PRKAR1A: variants seen among roughly 807,000 people sequenced by gnomAD.
The protein encoded by PRKAR1A is protein kinase cAMP-dependent type I regulatory subunit alpha.
Under a neutral mutation model 52.0 loss-of-function variants are expected in PRKAR1A, and 3 were observed. The observed-to-expected ratio is 0.06, with a 90% confidence interval of 0.03 to 0.15. PRKAR1A has a LOEUF of 0.15. Ranked by LOEUF, PRKAR1A falls within the 10% of genes least tolerant of loss-of-function variation. The pLI, the probability that PRKAR1A is intolerant of heterozygous loss-of-function variation, is 1.00. For synonymous variants in PRKAR1A, 188 were observed against 168.4 expected (o/e 1.12, Z -0.90); for missense variants, 240 against 477.4 (o/e 0.50, Z 4.63).
intron 2 of PRKAR1A, among the ~76,000 whole-genome samples, chr17:68,516,106 T>C (rs2085424984): frequency 6.6e-6 from 1 of 152,198 alleles, no homozygotes; most frequent in African/African-American, 2.4e-5. Flanking sequence ...GATATTGATA[T>C]TGATGTTCCT....
At chr17:68,433,760 G>GTTTTTTTTTTTTTTTTT in the PRKAR1A span, among the ~76,000 whole-genome samples, 3 of 72,814 alleles carry the variant, frequency 4.1e-5, 1 homozygote, top group African/African-American at 2.0e-4. Flanking sequence ...AAGGGTCATA[G>GTTTTTTTTTTTTTTTTT]TTTTTTTTTT....
chr17:68,427,253 G>A, the PRKAR1A span: 2 of 1,611,434 alleles, frequency 1.2e-6, no homozygotes, highest in African/African-American at 1.3e-5. Flanking sequence ...AGCCAAGCAA[G>A]CTACTTGTGA....
intron 11 of PRKAR1A, chr17:68,539,444 A>C: frequency 6.5e-7 from 1 of 1,549,254 alleles, no homozygotes; most frequent in Non-Finnish European, 8.9e-7. Context: ...CATCCTTTGC[A>C]TTCCCCTGAG....
intron 5 of PRKAR1A, 32 bp downstream of exon 5, chr17:68,524,109 C>G (rs373030787): frequency 1.2e-6 from 2 of 1,608,902 alleles, no homozygotes; most frequent in South Asian, 1.1e-5. Context: ...AATATTGTTA[C>G]GGGAGAGGAG....
chr17:68,461,115 T>G, the PRKAR1A span, among the ~76,000 whole-genome samples: 1 of 146,572 alleles, frequency 6.8e-6, no homozygotes, highest in African/African-American at 2.6e-5. The surrounding 1 kb of genome is among the most constrained non-coding windows in gnomAD (Gnocchi z 4.6). Flanking sequence ...GGACAATGCT[T>G]TGTTCCAGTG....
At chr17:68,474,966 A>G in the PRKAR1A span, among the ~76,000 whole-genome samples, 2 of 152,206 alleles carry the variant, frequency 1.3e-5, no homozygotes, top group African/African-American at 4.8e-5. Context: ...AAAAAATGTA[A>G]TGTCTTTTTA....
At chr17:68,437,439 C>G in the PRKAR1A span, among the ~76,000 whole-genome samples, 1 of 151,910 alleles carries the variant, frequency 6.6e-6, no homozygotes, top group African/African-American at 2.4e-5. Flanking sequence ...CCTGTAGTCC[C>G]AGCTACTCGG....
chr17:68,482,748 T>C, the PRKAR1A span, among the ~76,000 whole-genome samples: 165 of 152,342 alleles, frequency 1.1e-3, 1 homozygote, highest in African/African-American at 3.8e-3. Context: ...CTGTTTTTAC[T>C]AAGGTCAATC....
At chr17:68,456,270 C>T in the PRKAR1A span, among the ~76,000 whole-genome samples, 10 of 152,198 alleles carry the variant, frequency 6.6e-5, no homozygotes, top group Admixed American at 5.9e-4. Context: ...TGTTTTTAAA[C>T]AGAAACATAA....
the PRKAR1A span, among the ~76,000 whole-genome samples, chr17:68,506,569 C>T: frequency 2.0e-5 from 3 of 151,990 alleles, no homozygotes; most frequent in African/African-American, 7.3e-5. Flanking sequence ...CTGCAACCTC[C>T]GCCTCCCTGG....
chr17:68,472,977 T>A, the PRKAR1A span, among the ~76,000 whole-genome samples: 2 of 151,976 alleles, frequency 1.3e-5, no homozygotes, highest in Non-Finnish European at 2.9e-5. Flanking sequence ...AAATTGTTAA[T>A]GTGGTATTTG....
At chr17:68,425,157 G>C in the PRKAR1A span, among the ~76,000 whole-genome samples, 1 of 152,186 alleles carries the variant, frequency 6.6e-6, no homozygotes, top group South Asian at 2.1e-4. Flanking sequence ...AAAGGTGCTC[G>C]GGCAAGCTCC....
the PRKAR1A span, among the ~76,000 whole-genome samples, chr17:68,481,199 C>T: frequency 4.6e-5 from 7 of 152,156 alleles, no homozygotes; most frequent in South Asian, 2.1e-4. Context: ...GCATTAAAAC[C>T]GCAGTCCCCA....
intron 11 of PRKAR1A, among the ~76,000 whole-genome samples, chr17:68,542,444 C>T (rs530939835): frequency 2.0e-5 from 3 of 152,246 alleles, no homozygotes; most frequent in East Asian, 3.9e-4. Context: ...CCTCTGGTTC[C>T]GGGGAGGCCA....
At chr17:68,548,801 T>C (rs991880817) in intron 11 of PRKAR1A, among the ~76,000 whole-genome samples, 34 of 148,214 alleles carry the variant, frequency 2.3e-4, no homozygotes, top group South Asian at 2.0e-3. Context: ...GGCTCGATCT[T>C]GGCTCACTGC....
At chr17:68,471,418 C>T in the PRKAR1A span, among the ~76,000 whole-genome samples, 1 of 152,126 alleles carries the variant, frequency 6.6e-6, no homozygotes, top group Non-Finnish European at 1.5e-5. Context: ...TTTTCTGTAA[C>T]CATAATCTCC....
the PRKAR1A span, chr17:68,424,683 G>A: frequency 7.5e-5 from 26 of 345,156 alleles, no homozygotes; most frequent in African/African-American, 5.3e-4. Flanking sequence ...TGAGACCAGC[G>A]TGACCAACAT....
the PRKAR1A span, chr17:68,434,410 A>T: frequency 1.4e-6 from 1 of 726,226 alleles, no homozygotes; most frequent in Non-Finnish European, 2.2e-6. Flanking sequence ...AAAGCCTGGG[A>T]GTCAATTACC....
the PRKAR1A span, among the ~76,000 whole-genome samples, chr17:68,415,350 A>G: frequency 1.3e-5 from 2 of 152,090 alleles, no homozygotes; most frequent in Non-Finnish European, 1.5e-5. Context: ...TTTGGAATGG[A>G]TTTCCAGTTT....
Sources: allele counts gnomAD v4.1 joint callset (sites outside exome capture counted in the v4.1 genomes callset), GRCh38; gene constraint gnomAD v4.1.1; non-coding constraint Gnocchi (gnomAD v3.1); transcripts MANE v1.5; gene names NCBI Gene and HGNC (gene_info 2026-07-23, HGNC 2026-07-21).